MTUS2: variants seen among roughly 807,000 people sequenced by gnomAD.
The protein encoded by MTUS2 is microtubule associated scaffold protein 2.
MTUS2 carries 40 observed loss-of-function variants against 114.1 expected under a neutral mutation model. That is an observed-to-expected ratio of 0.35 (90% CI 0.27 to 0.46). MTUS2 has a LOEUF of 0.46. Ranked by LOEUF, MTUS2 falls within the 20% of genes least tolerant of loss-of-function variation. The pLI is 1.00. For synonymous variants in MTUS2, 688 were observed against 672.0 expected (o/e 1.02, Z -0.37); for missense variants, 1,679 against 1,705.4 (o/e 0.98, Z 0.27).
At chr13:28,951,797 T>C (rs997335239) in intron 2 of MTUS2, among the ~76,000 whole-genome samples, 1 of 151,002 alleles carries the variant, frequency 6.6e-6, no homozygotes, top group African/African-American at 2.4e-5. Flanking sequence ...AGACTCTGGC[T>C]CAAAGAAAAA....
At chr13:28,837,711 T>C (rs1310735456) in intron 1 of MTUS2, among the ~76,000 whole-genome samples, 1 of 152,264 alleles carries the variant, frequency 6.6e-6, no homozygotes, top group Non-Finnish European at 1.5e-5. Flanking sequence ...GCTGTTCTAT[T>C]TGCAGCTCTT....
chr13:29,192,360 A>G (rs1894482707), intron 5 of MTUS2, among the ~76,000 whole-genome samples: 1 of 152,236 alleles, frequency 6.6e-6, no homozygotes, highest in Non-Finnish European at 1.5e-5. Flanking sequence ...ATGTAGAAGT[A>G]AAAAGTAGAA....
chr13:28,883,419 G>A (rs977346833), intron 2 of MTUS2, among the ~76,000 whole-genome samples: 3 of 152,092 alleles, frequency 2.0e-5, no homozygotes, highest in Admixed American at 6.6e-5. Context: ...TTAATGAGTG[G>A]ATAAACAACT....
intron 4 of MTUS2, among the ~76,000 whole-genome samples, chr13:29,097,581 G>A (rs567715404): frequency 7.2e-5 from 11 of 152,260 alleles, no homozygotes; most frequent in South Asian, 2.1e-4. Flanking sequence ...AGTTCCAGCC[G>A]TATAACAAAG....
chr13:29,245,657 A>T (rs974458422), intron 5 of MTUS2, among the ~76,000 whole-genome samples: 3 of 150,744 alleles, frequency 2.0e-5, no homozygotes, highest in Non-Finnish European at 3.0e-5. Context: ...ATAAAGCTGG[A>T]TTTTAATAGG....
Position 29,299,735 on chromosome 13 carries a change from C to A in MTUS2, c.2806+17870C>A, listed in dbSNP as rs541934873. Among the ~76,000 whole-genome samples, 10 of 152,144 alleles carry A rather than the reference C, an allele frequency of 6.6e-5. No individual in the cohort carries two copies. In the South Asian group the frequency reaches 2.1e-3, roughly 32 times the overall value. On this transcript the variant is annotated intron_variant, in intron 6 of 15. Transcript: ENST00000612955. ...GCTAGAGGTTTCTCAAGCCTTGCTC[C>A]CCTTGAAATCTTGAACTACGGCTGC...
At chr13:29,199,466 G>A (rs562232631) in intron 5 of MTUS2, among the ~76,000 whole-genome samples, 52 of 152,158 alleles carry the variant, frequency 3.4e-4, no homozygotes, top group African/African-American at 1.0e-3. Flanking sequence ...TTTTGTCATC[G>A]GCTCTGTTTA....
chr13:29,074,896 A>G lies in MTUS2; in HGVS notation c.2447-25877A>G, dbSNP rs557695040. On this transcript the variant is annotated intron_variant, in intron 4 of 15. Coordinates refer to ENST00000612955, the MANE Select transcript of MTUS2 (RefSeq NM_001033602.4). The stretch of plus-strand genomic sequence containing the variant: ...TTCACTATATATTTCCACCATTTAA[A>G]GCATAAATTCAAATATTTTAATCCT... Among the ~76,000 whole-genome samples, 10 of 152,328 alleles carry G rather than the reference A, an allele frequency of 6.6e-5. No individual in the cohort carries two copies. The South Asian group carries it at 2.1e-3, about 32-fold the overall frequency.
chr13:29,312,034 G>A (rs1899790213), intron 6 of MTUS2, among the ~76,000 whole-genome samples: 1 of 152,136 alleles, frequency 6.6e-6, no homozygotes, highest in African/African-American at 2.4e-5. Flanking sequence ...CTTTGCACGT[G>A]ATCACTGCCC....
At chr13:29,487,126 T>C (rs1881673131) in intron 10 of MTUS2, among the ~76,000 whole-genome samples, 1 of 152,112 alleles carries the variant, frequency 6.6e-6, no homozygotes, top group African/African-American at 2.4e-5. Context: ...AGCACCACAT[T>C]GCCTGAGCAG....
intron 2 of MTUS2, among the ~76,000 whole-genome samples, chr13:29,004,210 A>C (rs1885505041): frequency 6.6e-6 from 1 of 152,000 alleles, no homozygotes; most frequent in Admixed American, 6.6e-5. Flanking sequence ...TTGTGCATGC[A>C]TGCATGCATG....
intron 5 of MTUS2, among the ~76,000 whole-genome samples, chr13:29,188,775 C>A (rs1894327079): frequency 6.6e-6 from 1 of 152,176 alleles, no homozygotes; most frequent in Non-Finnish European, 1.5e-5. Context: ...CCTACCTCCC[C>A]TTCTGAGTAG....
intron 5 of MTUS2, among the ~76,000 whole-genome samples, chr13:29,165,579 G>A (rs1194434448): frequency 6.6e-6 from 1 of 152,108 alleles, no homozygotes; most frequent in African/African-American, 2.4e-5. Context: ...CTTCTTTAAT[G>A]GCTAATTTAA....
intron 4 of MTUS2, among the ~76,000 whole-genome samples, chr13:29,055,927 T>G (rs1888114820): frequency 6.6e-6 from 1 of 152,104 alleles, no homozygotes; most frequent in African/African-American, 2.4e-5. Context: ...TCTTTTGAAT[T>G]TGTTTAACCT....
In MTUS2 at chr13:29,326,643, A is replaced by G. The variant is rs180958736; in HGVS notation, c.2905+1932A>G. ...TATTAGAAATGAACTCAAATATGTCATAATGACTTACATGAACTATACTCT... is the reference window on the plus strand; with the variant it reads ...TATTAGAAATGAACTCAAATATGTCGTAATGACTTACATGAACTATACTCT... On this transcript the variant is annotated intron_variant, in intron 7 of 15. Coordinates refer to ENST00000612955, the MANE Select transcript of MTUS2 (RefSeq NM_001033602.4). Among the ~76,000 whole-genome samples, 4 of 152,348 alleles carry G rather than the reference A, an allele frequency of 2.6e-5. No individual in the cohort carries two copies. The East Asian group carries it at 7.7e-4, about 29-fold the overall frequency.
At chr13:28,930,737 A>G (rs1881571369) in intron 2 of MTUS2, among the ~76,000 whole-genome samples, 1 of 152,194 alleles carries the variant, frequency 6.6e-6, no homozygotes, top group South Asian at 2.1e-4. Flanking sequence ...ATAGCAGAGT[A>G]GAATTTGGAA....
chr13:29,451,670 C>T (rs911988615), intron 9 of MTUS2, among the ~76,000 whole-genome samples: 2 of 151,928 alleles, frequency 1.3e-5, no homozygotes, highest in East Asian at 3.9e-4. Flanking sequence ...CTGCAACCTC[C>T]GCCTCCTGGA....
Position 29,078,691 on chromosome 13 carries a change from T to G in MTUS2, c.2447-22082T>G, listed in dbSNP as rs547549615. On this transcript the variant is annotated intron_variant, in intron 4 of 15. Coordinates refer to ENST00000612955, the MANE Select transcript of MTUS2 (RefSeq NM_001033602.4). ...CCATTAAGCCATTTTGTCTCTATTT[T>G]GGGCATTTCGTGTAATGGAATCATA... Among the ~76,000 whole-genome samples the G allele has an allele frequency of 7.2e-5, 11 of 152,332 alleles. No homozygotes were observed. The South Asian group carries it at 2.1e-3, about 29-fold the overall frequency.
rs1267657017 is a variant in MTUS2, at chr13:28,839,799, A to G, written c.-294A>G. On this transcript the variant is annotated 5_prime_UTR_variant, in exon 2 of 16. Coordinates refer to ENST00000612955, the MANE Select transcript of MTUS2 (RefSeq NM_001033602.4). ...TAAGGTTTCCACAGCTGGATTGTTT[A>G]CTAGGGCCAATTGTCACCAATGGCA... 2 of 152,134 alleles carry G rather than the reference A, an allele frequency of 1.3e-5. No individual in the cohort carries two copies. Among genetic ancestry groups the G allele is most frequent in the Non-Finnish European group, 2.9e-5 (2 of 68,006 alleles). The allele number at this position is 152,134 out of a possible 1,614,324, so 9.4% of individuals were successfully genotyped here. A position where few individuals can be genotyped will look rare whatever the true frequency, so the allele number is the denominator to read the frequency against.
Sources: gnomAD v4.1 joint callset for allele counts (sites outside exome capture counted in the v4.1 genomes callset) on GRCh38, gnomAD v4.1.1 for gene constraint, MANE v1.5 for transcripts, NCBI Gene and HGNC (gene_info 2026-07-23, HGNC 2026-07-21) for gene names.